CEP112: variants seen among roughly 807,000 people sequenced by gnomAD.
The protein encoded by CEP112 is centrosomal protein of 112 kDa.
In CEP112, 127 loss-of-function variants were observed where a neutral mutation model predicts 153.0. The ratio of observed to expected loss-of-function variants is 0.83; its 90% CI spans 0.72 to 0.96. The LOEUF (loss-of-function observed/expected upper bound fraction) is 0.96, where lower values mean the gene tolerates loss of function less well. Ranked by LOEUF, CEP112 falls within the 40% of genes least tolerant of loss-of-function variation. The pLI, the probability that CEP112 is intolerant of heterozygous loss-of-function variation, is 0.00. For missense variants in CEP112, 1,089 were observed against 1,101.2 expected, an observed-to-expected ratio of 0.99 and a Z score of 0.16; for synonymous variants, 358 against 374.4, an observed-to-expected ratio of 0.96 and a Z score of 0.51.
chr17:66,154,382 G>C (rs55945530), intron 4 of CEP112, among the ~76,000 whole-genome samples: 32,046 of 151,606 alleles, frequency 0.21, 3,711 homozygotes, highest in Middle Eastern at 0.34. Context: ...GGGTGTGGGG[G>C]GGGGAGCCTG....
At chr17:65,760,017 G>A (rs572669008) in intron 21 of CEP112, among the ~76,000 whole-genome samples, 6 of 152,186 alleles carry the variant, frequency 3.9e-5, no homozygotes, top group South Asian at 2.1e-4. Flanking sequence ...TTAATTTTGG[G>A]GGTACTAATG....
chr17:66,039,613 T>C (rs2065888731), intron 12 of CEP112, among the ~76,000 whole-genome samples: 1 of 152,170 alleles, frequency 6.6e-6, no homozygotes, highest in African/African-American at 2.4e-5. Flanking sequence ...TAAAGATACA[T>C]ACGTTTATGA....
At chr17:66,161,632 A>G (rs976557373) in intron 4 of CEP112, among the ~76,000 whole-genome samples, 2 of 152,066 alleles carry the variant, frequency 1.3e-5, no homozygotes, top group African/African-American at 2.4e-5. Context: ...GGAGTTGAAC[A>G]TGAGAACACA....
At chr17:65,650,859 G>T (rs1323829266) in intron 24 of CEP112, among the ~76,000 whole-genome samples, 3 of 151,674 alleles carry the variant, frequency 2.0e-5, no homozygotes, top group Non-Finnish European at 2.9e-5. Context: ...AGTGAGCCAA[G>T]AAAACAAATC....
intron 24 of CEP112, among the ~76,000 whole-genome samples, chr17:65,655,925 C>G (rs2046040952): frequency 6.6e-6 from 1 of 152,250 alleles, no homozygotes; most frequent in East Asian, 1.9e-4. Flanking sequence ...TTGGGAGGTA[C>G]TCATTTAGAA....
At chr17:65,651,929 C>T (rs1018164383) in intron 24 of CEP112, among the ~76,000 whole-genome samples, 5 of 152,180 alleles carry the variant, frequency 3.3e-5, no homozygotes, top group African/African-American at 1.2e-4. Flanking sequence ...TCTCCAACTC[C>T]TGACCTCAGG....
chr17:66,049,706 GTGCCAC>G (rs1285608781), intron 12 of CEP112, among the ~76,000 whole-genome samples: 1 of 152,192 alleles, frequency 6.6e-6, no homozygotes, highest in Non-Finnish European at 1.5e-5. Flanking sequence ...AGCTGAGATT[GTGCCAC>G]TGCACTACAT....
chr17:65,955,637 A>C (rs866030931), intron 18 of CEP112, among the ~76,000 whole-genome samples: 14 of 152,188 alleles, frequency 9.2e-5, no homozygotes, highest in African/African-American at 3.1e-4. Context: ...ACATAAACTT[A>C]CAGTAAAGGG....
intron 6 of CEP112, among the ~76,000 whole-genome samples, chr17:66,105,609 C>T (rs2146338195): frequency 6.6e-6 from 1 of 152,218 alleles, no homozygotes; most frequent in South Asian, 2.1e-4. Context: ...GCTTGGGTAA[C>T]ATTGTAAAAC....
intron 23 of CEP112, among the ~76,000 whole-genome samples, chr17:65,721,536 T>TG (rs2049887421): frequency 6.6e-6 from 1 of 152,202 alleles, no homozygotes; most frequent in Non-Finnish European, 1.5e-5. Context: ...GCTGTATTGA[T>TG]CTCTTTTATT....
intron 12 of CEP112, among the ~76,000 whole-genome samples, chr17:66,034,970 T>TTTTGTGTGTGTGTGTGTGTG (rs1555777524): frequency 9.3e-5 from 9 of 96,754 alleles, no homozygotes; most frequent in African/African-American, 1.7e-4. Context: ...AGCTAAGTTT[T>TTTTGTGTGTGTGTGTGTGTG]TGCATGTATA....
chr17:65,954,005 G>A (rs972460515), intron 18 of CEP112, among the ~76,000 whole-genome samples: 5 of 152,162 alleles, frequency 3.3e-5, no homozygotes, highest in African/African-American at 7.2e-5. Context: ...CATAGCTGAC[G>A]CACTCTTGAA....
At position 65,995,927 on chromosome 17, in the gene CEP112, A is replaced by T. The variant is rs545623574; in HGVS notation, c.1736+9763T>A. Among the ~76,000 whole-genome samples, 12 of 152,262 alleles carry T rather than the reference A, an allele frequency of 7.9e-5. No individual in the cohort carries two copies. In the East Asian group the frequency reaches 1.2e-3, roughly 15 times the overall value. ...CTCTCTTGCCTGCTGCCATGTAAGA[A>T]GTGCCTTTCGCTTTCCACCATGATT... On this transcript the variant is annotated intron_variant, in intron 17 of 26. Transcript: ENST00000535342.
At chr17:65,788,432 ACTT>A (rs2054398678) in intron 21 of CEP112, among the ~76,000 whole-genome samples, 1 of 152,120 alleles carries the variant, frequency 6.6e-6, no homozygotes, top group African/African-American at 2.4e-5. Flanking sequence ...GGGGGATATT[ACTT>A]CTTTTTTTCC....
chr17:66,159,062 C>T (rs1370860276), intron 4 of CEP112, among the ~76,000 whole-genome samples: 1 of 152,152 alleles, frequency 6.6e-6, no homozygotes, highest in Non-Finnish European at 1.5e-5. Context: ...TCAGAGAATA[C>T]TATAAACACC....
intron 24 of CEP112, among the ~76,000 whole-genome samples, chr17:65,669,876 C>G (rs1265383963): frequency 6.7e-6 from 1 of 150,014 alleles, no homozygotes; most frequent in African/African-American, 2.5e-5. Context: ...GCACTCCAGC[C>G]TGGGCGACAG....
Position 66,062,958 on chromosome 17 carries a change from C to T in CEP112, c.1074+5G>A, listed in dbSNP as rs1388941102. 2 of 1,455,538 alleles carry T rather than the reference C, an allele frequency of 1.4e-6. No individual in the cohort carries two copies. The highest frequency in any genetic ancestry group is 2.4e-5 in the East Asian group (1 of 42,484). The allele number at this position is 1,455,538 out of a possible 1,614,324, so 90.2% of individuals were successfully genotyped here. ...TGTTTTCCATTAGTATTTTATGTAG[C>T]TTACCTTTTTTTCCCAGTCATTATT... On this transcript the variant is annotated splice_donor_5th_base_variant and intron_variant, in intron 11 of 26. Transcript: ENST00000535342.
Position 65,660,949 on chromosome 17 carries a change from T to A in CEP112, c.2698-19884A>T, listed in dbSNP as rs567068954. ...GTTGCATGTTTCTCTAAAATGCAGA[T>A]CTGATCATCTCACCCCAACCCCACT... On this transcript the variant is annotated intron_variant, in intron 24 of 26. Coordinates refer to ENST00000535342, the MANE Select transcript of CEP112 (RefSeq NM_001199165.4). 5.9e-5 allele frequency among the ~76,000 whole-genome samples: 9 copies of A among 152,312 alleles called. 2 individuals are homozygous for A. The highest frequency in any genetic ancestry group is 2.2e-4 in the African/African-American group (9 of 41,568).
chr17:65,905,657 C>T (rs1338664192), intron 19 of CEP112, among the ~76,000 whole-genome samples: 2 of 151,966 alleles, frequency 1.3e-5, no homozygotes, highest in African/African-American at 2.4e-5. Context: ...TGGCTGGGTA[C>T]GGTGGCTCAT....
Sources: allele counts gnomAD v4.1 joint callset (sites outside exome capture counted in the v4.1 genomes callset), GRCh38; gene constraint gnomAD v4.1.1; transcripts MANE v1.5; gene names NCBI Gene and HGNC (gene_info 2026-07-23, HGNC 2026-07-21).